RYR2: variants seen among roughly 807,000 people sequenced by gnomAD.
The protein encoded by RYR2 is cardiac muscle ryanodine receptor-calcium release channel.
A neutral mutation model predicts 601.1 loss-of-function variants in RYR2; 227 were observed. The observed-to-expected ratio is 0.38, with a 90% CI of 0.34 to 0.42. The LOEUF is 0.42. Ranked by LOEUF, RYR2 falls within the 10% of genes least tolerant of loss-of-function variation. The pLI is 1.00. For synonymous variants in RYR2, 2,223 were observed against 2,175.1 expected (o/e 1.02, Z -0.61); for missense variants, 4,646 against 6,156.5 (o/e 0.75, Z 8.21).
chr1:237,667,944 A>G lies in RYR2; in HGVS notation c.8576A>G (p.Glu2859Gly). ...HNIWAKKKKMELESKGGGNHP... is the reference protein window; with the variant it reads ...HNIWAKKKKMGLESKGGGNHP... Reference sequence around the variant, plus strand: ...ATATGGGCAAAGAAAAAGAAAATGGAGTTGGAGTCCAAAGGTAATATTTTC... The same window carrying G: ...ATATGGGCAAAGAAAAAGAAAATGGGGTTGGAGTCCAAAGGTAATATTTTC... The change falls in exon 58 of 105, where the codon GAG becomes GGG. Residue 2859 changes from glutamate (E) to glycine (G), a missense_variant. This residue lies in a region of RYR2 where 1,497 missense variants were observed against 1,842.6 expected (regional missense o/e 0.81). Transcript: ENST00000366574. The G allele has an allele frequency of 6.3e-7, 1 of 1,576,100 alleles. No individual in the cohort carries two copies. The highest frequency in any genetic ancestry group is 8.6e-7 in the Non-Finnish European group (1 of 1,160,192).
chr1:237,648,656 C>T (rs1438295688), intron 49 of RYR2, 43 bp downstream of exon 49: 2 of 1,573,420 alleles, frequency 1.3e-6, no homozygotes, highest in South Asian at 1.2e-5. Flanking sequence ...TGACTCTTCA[C>T]TCTGTGCCTT....
chr1:237,733,421 A>G (rs1242928164), intron 78 of RYR2, among the ~76,000 whole-genome samples: 1 of 152,162 alleles, frequency 6.6e-6, no homozygotes, highest in Non-Finnish European at 1.5e-5. Context: ...AGAAAATTAA[A>G]ATTATTACAT....
intron 29 of RYR2, among the ~76,000 whole-genome samples, chr1:237,575,052 CA>C (rs1375752868): frequency 6.6e-6 from 1 of 152,208 alleles, no homozygotes; most frequent in Admixed American, 6.5e-5. Context: ...ACAAGACTAT[CA>C]AAGACCACCC....
intron 2 of RYR2, among the ~76,000 whole-genome samples, chr1:237,315,171 C>A (rs1040048326): frequency 6.6e-6 from 1 of 152,078 alleles, no homozygotes; most frequent in Non-Finnish European, 1.5e-5. Flanking sequence ...TGTCCTTTGT[C>A]GAATTTCTAA....
At chr1:237,311,636 C>A (rs1167818226) in intron 2 of RYR2, among the ~76,000 whole-genome samples, 1 of 152,018 alleles carries the variant, frequency 6.6e-6, no homozygotes, top group Non-Finnish European at 1.5e-5. Flanking sequence ...TGTGCCACCA[C>A]AACCAGCTAA....
chr1:237,566,166 T>C (rs1164122929), intron 27 of RYR2, among the ~76,000 whole-genome samples: 6 of 152,216 alleles, frequency 3.9e-5, no homozygotes, highest in Non-Finnish European at 7.3e-5. Context: ...CTCTCACCCG[T>C]ACATGTCTAC....
intron 2 of RYR2, among the ~76,000 whole-genome samples, chr1:237,298,886 C>T (rs1478104199): frequency 6.6e-6 from 1 of 151,974 alleles, no homozygotes; most frequent in African/African-American, 2.4e-5. Flanking sequence ...TGTAGTTCCA[C>T]ATACTTGGGA....
chr1:237,454,513 A>C lies in RYR2; in HGVS notation c.1415A>C (p.His472Pro). 6.2e-7 allele frequency: 1 copy of C among 1,613,580 alleles called. No individual in the cohort carries two copies. The change falls in exon 15 of 105, where the codon CAT becomes CCT. Residue 472 changes from histidine (H) to proline (P), a missense_variant. This residue lies in a region of RYR2 where 1,807 missense variants were observed against 2,088.1 expected (regional missense o/e 0.87). Transcript: ENST00000366574. The part of the protein sequence containing the change: ...YFHPPDEHLE[H>P]EDKQNRLRAL... ...CACCCCCCAGATGAGCATTTAGAGC[A>C]TGAAGACAAACAGAACAGACTACGA...
At chr1:237,283,796 C>T (rs1438445607) in intron 2 of RYR2, among the ~76,000 whole-genome samples, 1 of 152,136 alleles carries the variant, frequency 6.6e-6, no homozygotes, top group African/African-American at 2.4e-5. Flanking sequence ...TAATTTACTA[C>T]TTGGTATCAA....
chr1:237,088,091 T>C (rs1666552194), intron 1 of RYR2, among the ~76,000 whole-genome samples: 1 of 152,198 alleles, frequency 6.6e-6, no homozygotes, highest in South Asian at 2.1e-4. Flanking sequence ...ATATATGTAA[T>C]ATTGGATACT....
At chr1:237,386,190 A>G (rs569262733) in intron 8 of RYR2, among the ~76,000 whole-genome samples, 1 of 152,350 alleles carries the variant, frequency 6.6e-6, no homozygotes, top group Non-Finnish European at 1.5e-5. Flanking sequence ...AATCTTATTC[A>G]TTGGAAAAAT....
intron 2 of RYR2, among the ~76,000 whole-genome samples, chr1:237,288,494 C>T (rs905131136): frequency 6.6e-6 from 1 of 151,494 alleles, no homozygotes; most frequent in Non-Finnish European, 1.5e-5. Context: ...TGCAGCTGCT[C>T]TCGGGGGTGG....
rs114097797 is a variant in RYR2, at chr1:237,514,670, A to G, written c.2822+2879A>G. On this transcript the variant is annotated intron_variant, in intron 24 of 104. Transcript: ENST00000366574. The stretch of plus-strand genomic sequence containing the variant: ...TGGCAGGCCCCAGAGCAGCGTAGCT[A>G]AGAACACAGACTCTGGAGTTGGGTC... Among the ~76,000 whole-genome samples, 590 of 152,292 alleles carry G rather than the reference A, an allele frequency of 3.9e-3. 5 individuals are homozygous for G. Among genetic ancestry groups the G allele is most frequent in the African/African-American group, 0.013 (552 of 41,556 alleles).
In RYR2 at chr1:237,625,240, T is replaced by C. The variant is rs2148655872; in HGVS notation, c.6023-421T>C. Among the ~76,000 whole-genome samples the C allele has an allele frequency of 1.3e-5, 2 of 152,198 alleles. 1 individual carries two copies. The highest frequency in any genetic ancestry group is 3.9e-4 in the East Asian group (2 of 5,170). ...CTCTCTGTTTCTCAACTAACCAAAA[T>C]ACTGCTAAAATTTTTGGAGGCAAGA... On this transcript the variant is annotated intron_variant, in intron 39 of 104. Transcript: ENST00000366574.
At chr1:237,567,974 G>T in intron 28 of RYR2, among the ~76,000 whole-genome samples, 1 of 150,774 alleles carries the variant, frequency 6.6e-6, no homozygotes, top group Non-Finnish European at 1.5e-5. Context: ...TGGGGGGTTG[G>T]GGGGCGGTCA....
intron 100 of RYR2, among the ~76,000 whole-genome samples, chr1:237,815,719 T>C (rs1273394300): frequency 1.3e-5 from 2 of 152,158 alleles, no homozygotes; most frequent in Non-Finnish European, 2.9e-5. Context: ...TAATTTAGCC[T>C]CATTCCTTGG....
At chr1:237,538,109 G>A (rs182807157) in intron 25 of RYR2, among the ~76,000 whole-genome samples, 200 of 152,214 alleles carry the variant, frequency 1.3e-3, no homozygotes, top group Non-Finnish European at 2.2e-3. Context: ...GGAAGTTCAG[G>A]CCAGGAGCAG....
chr1:237,763,870 C>G (rs191759816), intron 84 of RYR2, among the ~76,000 whole-genome samples: 9 of 152,198 alleles, frequency 5.9e-5, no homozygotes, highest in African/African-American at 9.6e-5. Flanking sequence ...GTTTAAGATT[C>G]TGTAAAAGTT....
Position 237,042,373 on chromosome 1 carries a change from G to C in RYR2, c.-149G>C. ...GCGCCTCCTCCTCCGCTCTGCAGGC[G>C]GGGACCGCCCGGCGCTCGGCACCCG... On this transcript the variant is annotated 5_prime_UTR_variant, in exon 1 of 105. Transcript: ENST00000366574. 1 of 720,946 alleles carries C rather than the reference G, an allele frequency of 1.4e-6. No homozygotes were observed. Among genetic ancestry groups the C allele is most frequent in the Non-Finnish European group, 1.8e-6 (1 of 543,666 alleles). 44.7% of individuals were successfully genotyped at this position (720,946 alleles called of 1,614,324 possible). A position where few individuals can be genotyped will look rare whatever the true frequency, so the allele number is the denominator to read the frequency against.
Sources: allele counts gnomAD v4.1 joint callset (sites outside exome capture counted in the v4.1 genomes callset), GRCh38; gene constraint gnomAD v4.1.1; regional missense constraint gnomAD v4.1.1; transcripts MANE v1.5; gene names NCBI Gene and HGNC (gene_info 2026-07-23, HGNC 2026-07-21).